TRUB2: variants seen among roughly 807,000 people sequenced by gnomAD.
TRUB2 encodes pseudouridylate synthase TRUB2, mitochondrial.
TRUB2 carries 31 observed loss-of-function variants against 31.9 expected under a neutral mutation model. The observed-to-expected ratio is 0.97, with a 90% CI of 0.73 to 1.31. The LOEUF is 1.31. Among genes scored for constraint, TRUB2 ranks in the 50% most tolerant of loss-of-function variants. TRUB2 has a pLI of 0.00. For synonymous variants in TRUB2, 201 were observed against 182.6 expected (o/e 1.10, Z -0.81); for missense variants, 451 against 439.6 (o/e 1.03, Z -0.23).
Position 128,306,451 on chromosome 9 carries a change from T to G in TRUB2, c.*3099A>C, listed in dbSNP as rs1831866660. The G allele has an allele frequency of 6.6e-6, 1 of 151,192 alleles. No individual in the cohort carries two copies. The highest frequency in any genetic ancestry group is 6.6e-5 in the Admixed American group (1 of 15,168). The allele number at this position is 151,192 out of a possible 1,614,324, so 9.4% of individuals were successfully genotyped here. A position where few individuals can be genotyped will look rare whatever the true frequency, so the allele number is the denominator to read the frequency against. ...TTTTGTTCTGATTTTTCTCTTTTTT[T>G]TTTTTTTTTGAGACAGAGTCTCACT... On this transcript the variant is annotated 3_prime_UTR_variant, in exon 8 of 8. Transcript: ENST00000372890.
At chr9:128,313,303 G>A (rs2131446086) in intron 5 of TRUB2, among the ~76,000 whole-genome samples, 1 of 151,460 alleles carries the variant, frequency 6.6e-6, no homozygotes, top group South Asian at 2.1e-4. Flanking sequence ...AAGGAGGGCG[G>A]ATCATGAGGT....
Position 128,317,189 on chromosome 9 carries a change from C to A in TRUB2, c.279G>T (p.Val93=), listed in dbSNP as rs1832083939. ...GPAFAHLKVG[V]GHRLDAQASG... is the part of the protein sequence containing the mutation. ...AAGCCTGGGCATCCAACCGATGTCC[C>A]ACGCCAACCTTGAGATGGGCGAATG... The change falls in exon 3 of 8, where the codon GTG becomes GTT. Residue 93 remains valine (V), a synonymous_variant. Coordinates refer to ENST00000372890, the MANE Select transcript of TRUB2 (RefSeq NM_015679.3). 2.5e-6 allele frequency: 4 copies of A among 1,593,990 alleles called. No individual in the cohort carries two copies. In the East Asian group the frequency reaches 6.8e-5, roughly 27 times the overall value.
intron 5 of TRUB2, among the ~76,000 whole-genome samples, chr9:128,312,821 C>A (rs924148831): frequency 2.6e-5 from 4 of 151,724 alleles, no homozygotes; most frequent in Admixed American, 2.0e-4. Context: ...ACCATATCAG[C>A]CAGGCTGGTC....
intron 2 of TRUB2, among the ~76,000 whole-genome samples, chr9:128,318,364 T>TAAAC (rs1210564670): frequency 2.0e-5 from 3 of 151,854 alleles, no homozygotes; most frequent in Non-Finnish European, 4.4e-5. Flanking sequence ...AATAAATAAA[T>TAAAC]AAACTTATTC....
At chr9:128,320,173 CTT>C (rs1041530522) in intron 2 of TRUB2, among the ~76,000 whole-genome samples, 3 of 150,926 alleles carry the variant, frequency 2.0e-5, no homozygotes, top group Admixed American at 6.6e-5. Flanking sequence ...ACCTCAGCCT[CTT>C]TATTTTTTTT....
intron 3 of TRUB2, chr9:128,316,826 G>A (rs1193306985): frequency 3.8e-6 from 1 of 264,908 alleles, no homozygotes; most frequent in Middle Eastern, 1.2e-3. Flanking sequence ...CCCAGAACAA[G>A]TCACCTAAAT....
At chr9:128,320,914 G>A (rs1342565991) in intron 2 of TRUB2, among the ~76,000 whole-genome samples, 1 of 151,892 alleles carries the variant, frequency 6.6e-6, no homozygotes, top group East Asian at 1.9e-4. Flanking sequence ...TCAGCCTCCT[G>A]AGCAACTGGG....
Position 128,319,063 on chromosome 9 carries a change from A to T in TRUB2, c.242-1837T>A, listed in dbSNP as rs1832116022. Among the ~76,000 whole-genome samples, 2 of 151,650 alleles carry T rather than the reference A, an allele frequency of 1.3e-5. 1 individual carries two copies. The highest frequency in any genetic ancestry group is 4.2e-4 in the South Asian group (2 of 4,810). ...CAGGCATGGCCGGGCGTGGTGGCTC[A>T]CACCTGTAATCCCAGCACTTTGGGA... On this transcript the variant is annotated intron_variant, in intron 2 of 7. Coordinates refer to ENST00000372890, the MANE Select transcript of TRUB2 (RefSeq NM_015679.3).
rs1385482760 is a variant in TRUB2 at position 128,312,639 on chromosome 9, G to A, written c.461-1038C>T. ...TATTTTTTTTTTTTTTTTTTGAGACGGAGTCTCGCTTTGTTGCCAGGCTGG... is the reference window on the plus strand; with the variant it reads ...TATTTTTTTTTTTTTTTTTTGAGACAGAGTCTCGCTTTGTTGCCAGGCTGG... On this transcript the variant is annotated intron_variant, in intron 5 of 7. Coordinates refer to ENST00000372890, the MANE Select transcript of TRUB2 (RefSeq NM_015679.3). Among the ~76,000 whole-genome samples, 7 of 140,412 alleles carry A rather than the reference G, an allele frequency of 5.0e-5. No homozygotes were observed. The East Asian group carries it at 6.4e-4, about 13-fold the overall frequency. 92.1% of individuals were successfully genotyped at this position (140,412 alleles called of 152,430 possible).
At chr9:128,311,351 C>T (rs1831964707) in intron 6 of TRUB2, 178 bp downstream of exon 6, 2 of 704,752 alleles carry the variant, frequency 2.8e-6, no homozygotes, top group Admixed American at 2.7e-5. Flanking sequence ...CTCCCGTTGG[C>T]CAACCCAAGA....
chr9:128,320,820 C>T (rs962646606), intron 2 of TRUB2, among the ~76,000 whole-genome samples: 1 of 151,742 alleles, frequency 6.6e-6, no homozygotes, highest in East Asian at 2.0e-4. Flanking sequence ...GACGGAGTCT[C>T]GCTCTGTTGC....
chr9:128,321,802 C>T (rs1357123896), intron 1 of TRUB2, 72 bp from the exon 2 acceptor site: 31 of 1,480,926 alleles, frequency 2.1e-5, no homozygotes, highest in Non-Finnish European at 2.5e-5. Flanking sequence ...TTTTAAGAGA[C>T]AGGGCCTCGT....
At position 128,322,362 on chromosome 9, in the gene TRUB2, T is replaced by C. The variant is rs188303869; in HGVS notation, c.47A>G (p.Tyr16Cys). The C allele has an allele frequency of 6.9e-5, 112 of 1,614,130 alleles. No individual in the cohort carries two copies. In the African/African-American group the frequency reaches 9.3e-4, roughly 13 times the overall value. ...LSRLHGLFAV[Y>C]KPPGLKWKHL... ...CTTCCATTTTAGCCCCGGGGGCTTA[T>C]AGACCGCGAAAAGCCCATGCAGCCG... Residue 16 changes from tyrosine (Y) to cysteine (C), a missense_variant, in exon 1 of 8, where the codon TAT (tyrosine) becomes TGT (cysteine). Tyr to Cys is a radical substitution (Grantham distance 194, BLOSUM62 -2). Transcript: ENST00000372890.
At chr9:128,321,517 G>C (rs1287553482) in intron 2 of TRUB2, 82 bp downstream of exon 2, 1 of 1,598,916 alleles carries the variant, frequency 6.3e-7, no homozygotes, top group East Asian at 2.2e-5. Flanking sequence ...GCCTGGCACA[G>C]GAATCTGAGC....
chr9:128,318,714 A>G lies in TRUB2; in HGVS notation c.242-1488T>C, dbSNP rs556439876. On this transcript the variant is annotated intron_variant, in intron 2 of 7. Transcript: ENST00000372890. ...TACCTAGCTAATTTTTTGTATTTTT[A>G]GTAGAGACGGAGTTTCATCATGTTG... 4.6e-5 allele frequency among the ~76,000 whole-genome samples: 7 copies of G among 151,978 alleles called. No individual in the cohort carries two copies. In the South Asian group the frequency reaches 1.5e-3, roughly 32 times the overall value.
chr9:128,312,134 C>CTTT (rs61513949), intron 5 of TRUB2, among the ~76,000 whole-genome samples: 3 of 109,362 alleles, frequency 2.7e-5, no homozygotes, highest in South Asian at 3.0e-4. Context: ...TGCACCCAGA[C>CTTT]TTTTTTTTTT....
At chr9:128,321,833 G>A in intron 1 of TRUB2, 103 bp from the exon 2 acceptor site, 1 of 1,269,978 alleles carries the variant, frequency 7.9e-7, no homozygotes, top group Non-Finnish European at 1.1e-6. Flanking sequence ...AGGCTGAAGT[G>A]CAATGGCGCC....
intron 3 of TRUB2, chr9:128,316,811 T>G (rs540232337): frequency 1.3e-5 from 3 of 234,038 alleles, no homozygotes; most frequent in Admixed American, 5.3e-5. Context: ...TCACTGGCCA[T>G]GGGACCCAGA....
Position 128,311,556 on chromosome 9 carries a change from T to G in TRUB2, c.506A>C (p.Gln169Pro), listed in dbSNP as rs1310019528. The stretch of plus-strand genomic sequence containing the variant: ...CACCAGGGCCTTCTGATGGGAGCCT[T>G]GGATAACGGCCAGAATGCGGTCCAG... ...EKLDRILAVI[Q>P]GSHQKALVMY... Residue 169 changes from glutamine to proline, a missense_variant, in exon 6 of 8, where the codon CAA becomes CCA. Physicochemically the swap from Gln to Pro is moderately conservative, Grantham distance 76 (BLOSUM62 -1). Transcript: ENST00000372890. 6.2e-7 allele frequency: 1 copy of G among 1,614,014 alleles called. No homozygotes were observed. Among genetic ancestry groups the G allele is most frequent in the Non-Finnish European group, 8.5e-7 (1 of 1,180,018 alleles).
Sources: gnomAD v4.1 joint callset for allele counts (sites outside exome capture counted in the v4.1 genomes callset) on GRCh38, gnomAD v4.1.1 for gene constraint, MANE v1.5 for transcripts, NCBI Gene and HGNC (gene_info 2026-07-23, HGNC 2026-07-21) for gene names.